Variants in FMN2 observed in about 807,000 individuals in gnomAD.
FMN2 encodes formin 2, also known as formin-2.
FMN2 carries 51 observed loss-of-function variants against 142.3 expected under a neutral mutation model. The ratio of observed to expected loss-of-function variants is 0.36; its 90% CI spans 0.29 to 0.45. The LOEUF is 0.45. Ranked by LOEUF, FMN2 falls within the 20% of genes least tolerant of loss-of-function variation. The probability of loss-of-function intolerance (pLI) is 1.00; values close to 1 mark genes in which losing one functional copy is unlikely to be tolerated. For synonymous variants in FMN2, 882 were observed against 869.8 expected (o/e 1.01, Z -0.25); for missense variants, 1,936 against 2,122.8 (o/e 0.91, Z 1.73).
intron 6 of FMN2, among the ~76,000 whole-genome samples, chr1:240,257,477 A>G (rs1443249680): frequency 2.0e-5 from 3 of 152,148 alleles, no homozygotes; most frequent in African/African-American, 7.2e-5. Flanking sequence ...ACACAACCAA[A>G]CTAATCTAGC....
chr1:240,196,163 A>G (rs1665902680), intron 4 of FMN2, among the ~76,000 whole-genome samples: 1 of 152,240 alleles, frequency 6.6e-6, no homozygotes, highest in Admixed American at 6.5e-5. Flanking sequence ...GTCGGGAGCC[A>G]TGAGTTTTTG....
chr1:240,123,175 G>A lies in FMN2; in HGVS notation c.1616-4G>A, dbSNP rs1416746315. The stretch of plus-strand genomic sequence containing the variant: ...CGCTCTTAATGACTGTGTTTCATCT[G>A]CAGGGCGAACGCTGTTGGAGAAGCT... On this transcript the variant is annotated splice_polypyrimidine_tract_variant and splice_region_variant and intron_variant, in intron 1 of 17. Transcript: ENST00000319653. 1.9e-6 allele frequency: 3 copies of A among 1,614,076 alleles called. No individual in the cohort carries two copies. Among genetic ancestry groups the A allele is most frequent in the East Asian group, 2.2e-5 (1 of 44,866 alleles).
Position 240,207,384 on chromosome 1 carries a change from C to A in FMN2, c.2572C>A (p.Pro858Thr), listed in dbSNP as rs140315493. ...AFKNSCNIPS[P>T]PPLPCTESSS... is the part of the protein sequence containing the mutation. ...TAAAAACAGCTGTAACATCCCATCT[C>A]CACCACCTCTGCCTTGCACAGAGTC... The change falls in exon 5 of 18, where the codon CCA becomes ACA. Residue 858 changes from proline to threonine, a missense_variant. Pro to Thr is a conservative substitution (Grantham distance 38). Coordinates refer to ENST00000319653, the MANE Select transcript of FMN2 (RefSeq NM_020066.5). 1.2e-3 allele frequency: 1,910 copies of A among 1,613,904 alleles called. 2 individuals carry two copies. Among genetic ancestry groups the A allele is most frequent in the Non-Finnish European group, 1.3e-3 (1,569 of 1,179,916 alleles).
At chr1:240,121,735 T>TAA (rs71168898) in intron 1 of FMN2, among the ~76,000 whole-genome samples, 1,095 of 25,670 alleles carry the variant, frequency 0.043, 165 homozygotes, top group East Asian at 0.077. Flanking sequence ...AGGGAAATAG[T>TAA]AAAAAAAAAA....
chr1:240,347,862 G>A (rs1671960022), intron 13 of FMN2, among the ~76,000 whole-genome samples: 1 of 152,138 alleles, frequency 6.6e-6, no homozygotes, highest in Non-Finnish European at 1.5e-5. Flanking sequence ...TTGTTGCAAA[G>A]GACATGATTT....
At position 240,330,620 on chromosome 1, in the gene FMN2, A is replaced by C; in HGVS notation, c.4455A>C (p.Pro1485=). The change falls in exon 11 of 18, where the codon CCA becomes CCC. Residue 1485 remains proline, a synonymous_variant. Transcript: ENST00000319653. ...TTTTACAGACATTAAAAAATGGCCC[A>C]GGGGTTATGCAGGTTCTAGGTTTGG... ...QKLCETLKNG[P]GVMQVLGLVL... 6.2e-7 allele frequency: 1 copy of C among 1,613,778 alleles called. No homozygotes were observed. Among genetic ancestry groups the C allele is most frequent in the Non-Finnish European group, 8.5e-7 (1 of 1,179,846 alleles).
At chr1:240,190,281 A>C (rs551293369) in intron 4 of FMN2, among the ~76,000 whole-genome samples, 94 of 152,340 alleles carry the variant, frequency 6.2e-4, no homozygotes, top group African/African-American at 2.2e-3. Flanking sequence ...AGTCAGGAAA[A>C]TTAATTGAGA....
intron 15 of FMN2, among the ~76,000 whole-genome samples, chr1:240,405,066 T>A (rs1239924580): frequency 6.6e-6 from 1 of 152,158 alleles, no homozygotes; most frequent in East Asian, 1.9e-4. Context: ...CAGACTAAAC[T>A]GTCTCCAGAA....
chr1:240,275,534 C>T (rs1255575576), intron 7 of FMN2, among the ~76,000 whole-genome samples: 2 of 151,814 alleles, frequency 1.3e-5, no homozygotes, highest in African/African-American at 4.8e-5. Context: ...CTATTGTGAA[C>T]AGTGCTGCAA....
chr1:240,191,149 G>T (rs1665681974), intron 4 of FMN2, among the ~76,000 whole-genome samples: 1 of 152,212 alleles, frequency 6.6e-6, no homozygotes, highest in Non-Finnish European at 1.5e-5. Flanking sequence ...GAGTTGGAAA[G>T]CATCCTCTCT....
intron 16 of FMN2, among the ~76,000 whole-genome samples, chr1:240,466,109 T>C (rs1019535739): frequency 5.9e-5 from 9 of 152,230 alleles, no homozygotes; most frequent in Non-Finnish European, 1.3e-4. Context: ...GAGAAACTTT[T>C]TGTTGGTTTT....
intron 8 of FMN2, among the ~76,000 whole-genome samples, chr1:240,312,743 T>A (rs150846737): frequency 0.012 from 1,767 of 152,360 alleles, 13 homozygotes; most frequent in Middle Eastern, 0.024. Context: ...TGTTTACTTT[T>A]ACATTTGAAA....
At chr1:240,335,789 T>G (rs1413643548) in intron 13 of FMN2, among the ~76,000 whole-genome samples, 1 of 152,130 alleles carries the variant, frequency 6.6e-6, no homozygotes, top group East Asian at 1.9e-4. Flanking sequence ...AATGGCAAGT[T>G]CTTGCAAGAC....
At chr1:240,222,501 A>G (rs1667157160) in intron 6 of FMN2, among the ~76,000 whole-genome samples, 1 of 137,106 alleles carries the variant, frequency 7.3e-6, no homozygotes, top group South Asian at 2.2e-4. Flanking sequence ...TGAAATTTAA[A>G]GTAGTTTTTT....
chr1:240,310,935 A>T (rs1475325917), intron 8 of FMN2, among the ~76,000 whole-genome samples: 1 of 152,162 alleles, frequency 6.6e-6, no homozygotes, highest in Non-Finnish European at 1.5e-5. Flanking sequence ...GAAACAAATA[A>T]ACAAAAAATC....
intron 13 of FMN2, among the ~76,000 whole-genome samples, chr1:240,336,311 C>T (rs1671554182): frequency 6.6e-6 from 1 of 152,010 alleles, no homozygotes; most frequent in African/African-American, 2.4e-5. Context: ...TTTTTGAGTA[C>T]CTCAGAGTTT....
chr1:240,474,167 A>G lies in FMN2; in HGVS notation c.*13A>G. ...CATGAAAACTTGAACAATGAAAAGC[A>G]GAATGAAAATGAGTCATTGCAACGA... On this transcript the variant is annotated 3_prime_UTR_variant, in exon 18 of 18. Coordinates refer to ENST00000319653, the MANE Select transcript of FMN2 (RefSeq NM_020066.5). The G allele has an allele frequency of 1.9e-6, 3 of 1,547,744 alleles. No individual in the cohort carries two copies. The highest frequency in any genetic ancestry group is 4.6e-5 in the Admixed American group (2 of 43,904).
At chr1:240,212,931 G>GT (rs1454161047) in intron 6 of FMN2, among the ~76,000 whole-genome samples, 1 of 151,800 alleles carries the variant, frequency 6.6e-6, no homozygotes, top group Non-Finnish European at 1.5e-5. Context: ...CACCCCTTTT[G>GT]TTTTTTTGTG....
At chr1:240,467,885 A>G (rs1676672916) in intron 16 of FMN2, among the ~76,000 whole-genome samples, 1 of 152,262 alleles carries the variant, frequency 6.6e-6, no homozygotes, top group Non-Finnish European at 1.5e-5. Flanking sequence ...TTTAGTGTCC[A>G]TCTCTTCCAT....
Sources: gnomAD v4.1 joint callset for allele counts (sites outside exome capture counted in the v4.1 genomes callset) on GRCh38, gnomAD v4.1.1 for gene constraint, MANE v1.5 for transcripts, NCBI Gene and HGNC (gene_info 2026-07-23, HGNC 2026-07-21) for gene names.